Variants in CCDC171 observed in about 807,000 individuals in gnomAD.
CCDC171 encodes coiled-coil domain-containing protein 171.
In CCDC171, 177 loss-of-function variants were observed where a neutral mutation model predicts 168.2. That is an observed-to-expected ratio of 1.05 (90% confidence interval 0.93 to 1.19). The LOEUF (loss-of-function observed/expected upper bound fraction) is 1.19. Ranked by LOEUF, CCDC171 falls within the 50% of genes most tolerant of loss-of-function variation. CCDC171 has a pLI of 0.00. For synonymous variants in CCDC171, 687 were observed against 540.8 expected (o/e 1.27, Z -3.75); for missense variants, 1,991 against 1,539.0 (o/e 1.29, Z -4.91).
chr9:15,966,434 A>G (rs1360218944), intron 25 of CCDC171, among the ~76,000 whole-genome samples: 1 of 152,224 alleles, frequency 6.6e-6, no homozygotes, highest in Non-Finnish European at 1.5e-5. Flanking sequence ...GAGCAAGGGC[A>G]TAGGTATAGG....
At chr9:15,784,070 G>A (rs1368279945) in intron 20 of CCDC171, among the ~76,000 whole-genome samples, 1 of 152,150 alleles carries the variant, frequency 6.6e-6, no homozygotes, top group African/African-American at 2.4e-5. Context: ...TTGGAGAGGT[G>A]TAGTCATGTA....
In CCDC171 at chr9:15,626,807, G is replaced by A. The variant is rs768734450; in HGVS notation, c.822+3394G>A. ...TTAGTTGTGTCTTTGCCAGGCTTTG[G>A]TATCAGGATGATGCTGGCCTCATAA... is the stretch of plus-strand genomic sequence containing the variant. On this transcript the variant is annotated intron_variant, in intron 7 of 25. Transcript: ENST00000380701. 1.3e-5 allele frequency among the ~76,000 whole-genome samples: 2 copies of A among 152,122 alleles called. 1 individual carries two copies. Among genetic ancestry groups the A allele is most frequent in the Admixed American group, 1.3e-4 (2 of 15,278 alleles).
the CCDC171 span, among the ~76,000 whole-genome samples, chr9:16,102,319 T>C: frequency 6.6e-6 from 1 of 152,132 alleles, no homozygotes. Flanking sequence ...ACGCGCTTGC[T>C]CTCCTACACA....
rs975345819 is a variant in CCDC171 at position 15,972,102 on chromosome 9, A to G, written c.*266A>G. 2.4e-5 allele frequency: 10 copies of G among 417,924 alleles called. No homozygotes were observed. Among genetic ancestry groups the G allele is most frequent in the African/African-American group, 1.8e-4 (9 of 49,110 alleles). 25.9% of individuals were successfully genotyped at this position (417,924 alleles called of 1,614,324 possible). A position where few individuals can be genotyped will look rare whatever the true frequency, so the allele number is the denominator to read the frequency against. On this transcript the variant is annotated 3_prime_UTR_variant, in exon 26 of 26. Transcript: ENST00000380701. ...TGTTAAGGAATGACACATTTTGGGT[A>G]ATTTCCCTCAGACTTAAAAAAATCA...
In CCDC171 at chr9:15,938,245, C is replaced by T. The variant is rs140657385; in HGVS notation, c.3753+17823C>T. On this transcript the variant is annotated intron_variant, in intron 25 of 25. Coordinates refer to ENST00000380701, the MANE Select transcript of CCDC171 (RefSeq NM_173550.4). ...AGACTGGAACCATTATCTGTGTGTC[C>T]AAAACCCGTGCTCTAAACTAAAGAT... is the stretch of plus-strand genomic sequence containing the variant. Among the ~76,000 whole-genome samples, 255 of 151,784 alleles carry T rather than the reference C, an allele frequency of 1.7e-3. 2 individuals are homozygous for T. The highest frequency in any genetic ancestry group is 5.7e-3 in the African/African-American group (237 of 41,476).
intron 3 of CCDC171, among the ~76,000 whole-genome samples, chr9:16,020,353 A>G (rs1833128800): frequency 6.6e-6 from 1 of 152,226 alleles, no homozygotes; most frequent in Non-Finnish European, 1.5e-5. Context: ...AAAAATTTGA[A>G]ACACTTCTGG....
At chr9:15,907,691 C>T (rs904717377) in intron 24 of CCDC171, among the ~76,000 whole-genome samples, 1 of 152,054 alleles carries the variant, frequency 6.6e-6, no homozygotes, top group Non-Finnish European at 1.5e-5. Context: ...TTCTGCACAG[C>T]AAAAGAAACT....
intron 21 of CCDC171, among the ~76,000 whole-genome samples, chr9:15,833,575 G>A (rs1266140841): frequency 6.6e-6 from 1 of 152,034 alleles, no homozygotes; most frequent in African/African-American, 2.4e-5. Flanking sequence ...ATACAAATAT[G>A]CAATTTTATT....
chr9:15,648,759 A>G (rs890172264), intron 7 of CCDC171, among the ~76,000 whole-genome samples: 10 of 152,182 alleles, frequency 6.6e-5, no homozygotes, highest in African/African-American at 2.4e-4. Context: ...GATACAAACA[A>G]ATGGAAGAAC....
intron 23 of CCDC171, among the ~76,000 whole-genome samples, chr9:15,872,537 A>G (rs1402201936): frequency 1.3e-5 from 2 of 151,946 alleles, no homozygotes; most frequent in East Asian, 3.9e-4. Context: ...CTGCTTTTGT[A>G]CTTTGACATC....
chr9:15,657,340 G>T, intron 8 of CCDC171, 121 bp downstream of exon 8: 1 of 600,218 alleles, frequency 1.7e-6, no homozygotes, highest in Non-Finnish European at 3.1e-6. Context: ...ATATTGTTAT[G>T]ACACTCATTA....
At chr9:15,596,482 C>T (rs1490153828) in intron 6 of CCDC171, among the ~76,000 whole-genome samples, 1 of 152,114 alleles carries the variant, frequency 6.6e-6, no homozygotes, top group East Asian at 1.9e-4. Context: ...TCTGAGGGCT[C>T]TGTTCTGTTC....
intron 24 of CCDC171, chr9:15,883,266 C>A (rs552472920): frequency 5.2e-5 from 8 of 155,186 alleles, no homozygotes; most frequent in Middle Eastern, 6.5e-3. Context: ...CGCTATGCTG[C>A]CCAGACTGGT....
chr9:15,670,680 A>T (rs1268561787), intron 9 of CCDC171, among the ~76,000 whole-genome samples: 1 of 152,098 alleles, frequency 6.6e-6, no homozygotes, highest in African/African-American at 2.4e-5. Context: ...TGGGTTCAGC[A>T]TACTTTATTT....
At chr9:15,800,245 G>A (rs545477665) in intron 21 of CCDC171, among the ~76,000 whole-genome samples, 2 of 152,060 alleles carry the variant, frequency 1.3e-5, no homozygotes, top group Non-Finnish European at 2.9e-5. Flanking sequence ...AGCATACAAA[G>A]GTTCTTTTTT....
intron 25 of CCDC171, among the ~76,000 whole-genome samples, chr9:15,954,768 T>C (rs899427274): frequency 1.2e-4 from 18 of 152,052 alleles, no homozygotes; most frequent in Non-Finnish European, 2.9e-5. Flanking sequence ...TTTTTTGTTG[T>C]TGTTTGTTTC....
chr9:15,862,390 C>A (rs1402488486), intron 23 of CCDC171, among the ~76,000 whole-genome samples: 1 of 151,116 alleles, frequency 6.6e-6, no homozygotes, highest in African/African-American at 2.4e-5. Context: ...ATTCTTCTGC[C>A]CTAATATTTG....
intron 10 of CCDC171, among the ~76,000 whole-genome samples, chr9:15,687,412 C>T (rs1441812813): frequency 8.6e-6 from 1 of 116,596 alleles, no homozygotes; most frequent in Non-Finnish European, 1.8e-5. Context: ...GGCAACACAG[C>T]GAGACCCCGT....
upstream of CCDC171, among the ~76,000 whole-genome samples, chr9:16,040,318 C>G (rs79015806): frequency 2.9e-3 from 441 of 152,286 alleles, 3 homozygotes; most frequent in African/African-American, 9.6e-3. Flanking sequence ...TGAAGGGATT[C>G]TGCAGATTGA....
Sources: allele counts gnomAD v4.1 joint callset (sites outside exome capture counted in the v4.1 genomes callset), GRCh38; gene constraint gnomAD v4.1.1; transcripts MANE v1.5; gene names NCBI Gene and HGNC (gene_info 2026-07-23, HGNC 2026-07-21).